Variants in MORN1 observed in about 807,000 individuals in gnomAD.
The protein encoded by MORN1 is MORN repeat containing 1, also known as MORN repeat-containing protein 1.
Under a neutral mutation model 61.9 loss-of-function variants are expected in MORN1, and 67 were observed. The observed-to-expected ratio is 1.08, with a 90% confidence interval of 0.89 to 1.33. MORN1 has a LOEUF of 1.33. Ranked by LOEUF, MORN1 falls within the 40% of genes most tolerant of loss-of-function variation. The pLI, the probability that MORN1 is intolerant of heterozygous loss-of-function variation, is 0.00. For missense variants in MORN1, 752 were observed against 691.2 expected (o/e 1.09, Z -0.99); for synonymous variants, 301 against 292.0 (o/e 1.03, Z -0.31).
chr1:2,335,829 A>AGCCCGGCCCGGCCCG (rs568929816), intron 12 of MORN1, among the ~76,000 whole-genome samples: 13 of 139,346 alleles, frequency 9.3e-5, no homozygotes, highest in African/African-American at 4.4e-4. Flanking sequence ...TCGCCTCCAT[A>AGCCCGGCCCGGCCCG]GCCCAGCCCA....
At chr1:2,386,320 C>T (rs1642497035) in intron 4 of MORN1, 1 of 173,316 alleles carries the variant, frequency 5.8e-6, no homozygotes, top group East Asian at 1.6e-4. Context: ...CAGGGCTTGA[C>T]CTGAACGAGG....
chr1:2,379,676 A>C (rs896077819), intron 6 of MORN1, among the ~76,000 whole-genome samples: 2 of 152,148 alleles, frequency 1.3e-5, no homozygotes, highest in Admixed American at 6.5e-5. Flanking sequence ...CTTGCATCTC[A>C]ATTGTGGTTA....
intron 10 of MORN1, among the ~76,000 whole-genome samples, chr1:2,342,840 ATATTTTATTTTATTT>A (rs768672830): frequency 2.9e-5 from 3 of 101,996 alleles, no homozygotes; most frequent in African/African-American, 1.2e-4. Context: ...ATTTTATTTT[ATATTTTATTTTATTT>A]TATTTTATTT....
intron 12 of MORN1, among the ~76,000 whole-genome samples, chr1:2,327,672 G>A (rs574488014): frequency 1.3e-5 from 2 of 152,384 alleles, no homozygotes; most frequent in East Asian, 3.9e-4. Context: ...GACAGGAGAT[G>A]GGGTGGACGA....
intron 10 of MORN1, among the ~76,000 whole-genome samples, chr1:2,339,980 C>T (rs775186943): frequency 6.6e-6 from 1 of 152,248 alleles, no homozygotes; most frequent in Non-Finnish European, 1.5e-5. Context: ...GCCTCCGCCG[C>T]GCGGCTTCTC....
At chr1:2,374,163 C>T (rs1642183715) in intron 7 of MORN1, among the ~76,000 whole-genome samples, 1 of 152,298 alleles carries the variant, frequency 6.6e-6, no homozygotes, top group Admixed American at 6.5e-5. Context: ...GTGGCCACAT[C>T]ACAGTGCAGA....
At chr1:2,366,883 CTGAT>C (rs898331528) in intron 8 of MORN1, among the ~76,000 whole-genome samples, 23 of 152,020 alleles carry the variant, frequency 1.5e-4, no homozygotes, top group African/African-American at 5.3e-4. Flanking sequence ...CTCTCAATAA[CTGAT>C]AAAACAAGCA....
At chr1:2,367,830 C>T (rs1391079729) in intron 8 of MORN1, among the ~76,000 whole-genome samples, 7 of 152,184 alleles carry the variant, frequency 4.6e-5, no homozygotes, top group Non-Finnish European at 8.8e-5. Flanking sequence ...GGTTTTGCCA[C>T]GTTGGCCAGG....
intron 6 of MORN1, among the ~76,000 whole-genome samples, chr1:2,383,351 G>A (rs959916860): frequency 6.6e-6 from 1 of 152,152 alleles, no homozygotes. Flanking sequence ...AGTTTCCTGA[G>A]AAGTAGCTTT....
At chr1:2,363,316 G>T (rs1036254180) in intron 8 of MORN1, 4 of 152,106 alleles carry the variant, frequency 2.6e-5, no homozygotes, top group Admixed American at 6.5e-5. Flanking sequence ...AGAAACTGTG[G>T]TAAGTCAAGA....
chr1:2,376,396 C>G (rs1642235454), intron 6 of MORN1: 1 of 152,406 alleles, frequency 6.6e-6, no homozygotes, highest in African/African-American at 2.4e-5. Context: ...ATGGCGATGT[C>G]TGGTCTCTGC....
At chr1:2,374,684 C>G (rs934868320) in intron 6 of MORN1, 127 bp from the exon 7 acceptor site, 1 of 710,848 alleles carries the variant, frequency 1.4e-6, no homozygotes, top group Non-Finnish European at 2.4e-6. Context: ...AAAACCACAT[C>G]GTCTCGAGGG....
Position 2,341,024 on chromosome 1 carries a change from C to T in MORN1, c.1037-4174G>A, listed in dbSNP as rs564354714. 1.3e-4 allele frequency among the ~76,000 whole-genome samples: 20 copies of T among 152,372 alleles called. No homozygotes were observed. In the East Asian group the frequency reaches 3.3e-3, roughly 25 times the overall value. ...CCTCTCCTCCTTGCACGTCTCCACC[C>T]GGCCCCTCTGGCCCTGGCACTGCTA... On this transcript the variant is annotated intron_variant, in intron 10 of 13. Coordinates refer to ENST00000378531, the MANE Select transcript of MORN1 (RefSeq NM_024848.3).
rs146620038 is a variant in MORN1 at position 2,331,048 on chromosome 1, A to G, written c.1250+5421T>C. On this transcript the variant is annotated intron_variant, in intron 12 of 13. Transcript: ENST00000378531. ...CCCTCTCAGAAACGCGGCCCCTCCC[A>G]GGGCAGCAGGCGGCGGGCACGTGCG... Among the ~76,000 whole-genome samples, 47 of 152,314 alleles carry G rather than the reference A, an allele frequency of 3.1e-4. 3 individuals carry two copies. The East Asian group carries it at 9.1e-3, about 29-fold the overall frequency.
At chr1:2,325,164 CCTTCCTTTCCTTCCTT>C (rs1640991700) in intron 12 of MORN1, among the ~76,000 whole-genome samples, 1 of 108,072 alleles carries the variant, frequency 9.3e-6, no homozygotes, top group African/African-American at 3.4e-5. Context: ...TCCCTCCCTT[CCTTCCTTTCCTTCCTT>C]CCCTTCCTTC....
At chr1:2,338,571 G>A (rs1641330167) in intron 10 of MORN1, among the ~76,000 whole-genome samples, 1 of 152,288 alleles carries the variant, frequency 6.6e-6, no homozygotes, top group African/African-American at 2.4e-5. Flanking sequence ...CCCAGATCCC[G>A]AGCCCCAAGT....
At chr1:2,333,682 A>C (rs1641208310) in intron 12 of MORN1, among the ~76,000 whole-genome samples, 1 of 152,094 alleles carries the variant, frequency 6.6e-6, no homozygotes, top group Non-Finnish European at 1.5e-5. Context: ...CACCCCATTC[A>C]CAAGCATGTC....
chr1:2,341,699 A>G lies in MORN1; in HGVS notation c.1037-4849T>C, dbSNP rs1022990271. 1.8e-4 allele frequency among the ~76,000 whole-genome samples: 27 copies of G among 150,960 alleles called. 1 individual carries two copies. The highest frequency in any genetic ancestry group is 2.1e-4 in the South Asian group (1 of 4,834). On this transcript the variant is annotated intron_variant, in intron 10 of 13. Transcript: ENST00000378531. The stretch of plus-strand genomic sequence containing the variant: ...AGCGAGACTCCGTCTCAAGAAAAAA[A>G]AAAAAAAAAAAGAAAAAGAAAAGGC...
intron 8 of MORN1, 25 bp from the exon 9 acceptor site, chr1:2,358,740 T>C (rs1285050712): frequency 1.9e-6 from 3 of 1,596,796 alleles, no homozygotes; most frequent in East Asian, 2.3e-5. Flanking sequence ...GAGCAGGCAG[T>C]GAACACTCAC....
Sources: gnomAD v4.1 joint callset for allele counts (sites outside exome capture counted in the v4.1 genomes callset) on GRCh38, gnomAD v4.1.1 for gene constraint, MANE v1.5 for transcripts, NCBI Gene and HGNC (gene_info 2026-07-23, HGNC 2026-07-21) for gene names.